Variants in ITGB3BP observed in about 807,000 individuals in gnomAD.
The protein encoded by ITGB3BP is centromere protein R.
Under a neutral mutation model 29.1 loss-of-function variants are expected in ITGB3BP, and 27 were observed. The observed-to-expected ratio is 0.93, with a 90% CI of 0.68 to 1.28. The LOEUF (loss-of-function observed/expected upper bound fraction) is 1.28, where lower values mean the gene tolerates loss of function less well. Ranked by LOEUF, ITGB3BP falls within the 50% of genes most tolerant of loss-of-function variation. The probability of loss-of-function intolerance (pLI) is 0.00; values close to 1 mark genes in which losing one functional copy is unlikely to be tolerated. For missense variants in ITGB3BP, 192 were observed against 200.2 expected (o/e 0.96, Z 0.25); for synonymous variants, 61 against 61.4 (o/e 0.99, Z 0.03).
upstream of ITGB3BP, among the ~76,000 whole-genome samples, chr1:63,525,390 T>C (rs932394882): frequency 5.3e-5 from 8 of 152,214 alleles, no homozygotes; most frequent in African/African-American, 1.9e-4. Context: ...CATATACAAC[T>C]ATAGTATTCG....
intron 3 of ITGB3BP, among the ~76,000 whole-genome samples, chr1:63,487,641 A>C (rs1645556831): frequency 6.6e-6 from 1 of 152,132 alleles, no homozygotes; most frequent in African/African-American, 2.4e-5. Context: ...ACATATTGTA[A>C]GTATTTGTTT....
At chr1:63,473,552 C>A (rs1383887376) in intron 4 of ITGB3BP, among the ~76,000 whole-genome samples, 3 of 134,412 alleles carry the variant, frequency 2.2e-5, no homozygotes, top group Non-Finnish European at 5.0e-5. Flanking sequence ...GGCCAGCTGC[C>A]CCATCTGGGA....
chr1:63,443,661 G>A (rs1179434226), intron 8 of ITGB3BP, among the ~76,000 whole-genome samples: 1 of 152,162 alleles, frequency 6.6e-6, no homozygotes. Context: ...AGACAGGTAG[G>A]TTACAATAGG....
chr1:63,457,950 T>G (rs900461694), intron 4 of ITGB3BP: 4 of 151,430 alleles, frequency 2.6e-5, no homozygotes, highest in Non-Finnish European at 5.9e-5. Context: ...CCAGCAGCAT[T>G]TTTTTAAAGC....
At chr1:63,529,156 A>G (rs1212576616) in exon 2 of ITGB3BP, 6 of 152,186 alleles carry the variant, frequency 3.9e-5, no homozygotes, top group Non-Finnish European at 2.9e-5. Flanking sequence ...CAGCATGGTA[A>G]TCAGGGCTTT....
chr1:63,491,778 C>G (rs146280085), intron 2 of ITGB3BP, among the ~76,000 whole-genome samples: 3 of 151,966 alleles, frequency 2.0e-5, no homozygotes, highest in Non-Finnish European at 2.9e-5. Context: ...GCCACAAATG[C>G]GATGAATATC....
chr1:63,452,284 A>C (rs1194199101), intron 7 of ITGB3BP, among the ~76,000 whole-genome samples: 1 of 152,220 alleles, frequency 6.6e-6, no homozygotes, highest in Non-Finnish European at 1.5e-5. Context: ...AGCTGTTTGC[A>C]AAGGCCAACT....
chr1:63,472,868 C>T (rs1485982224), intron 4 of ITGB3BP, among the ~76,000 whole-genome samples: 2 of 152,072 alleles, frequency 1.3e-5, no homozygotes, highest in African/African-American at 4.8e-5. Flanking sequence ...CCCAAAGTGC[C>T]GAGATTGCAG....
In ITGB3BP at chr1:63,492,347, A is replaced by G. The variant is rs573541499; in HGVS notation, c.49-2129T>C. Among the ~76,000 whole-genome samples the G allele has an allele frequency of 9.2e-5, 14 of 152,118 alleles. No homozygotes were observed. The South Asian group carries it at 2.9e-3, about 32-fold the overall frequency. ...TACACAGAAGGAAAATTGAAAAGCT[A>G]CCCTTTCCCTACTATACCACTAAAT... On this transcript the variant is annotated intron_variant, in intron 2 of 8. Transcript: ENST00000271002.
At chr1:63,511,743 G>A (rs1646203911) in intron 1 of ITGB3BP, among the ~76,000 whole-genome samples, 1 of 151,980 alleles carries the variant, frequency 6.6e-6, no homozygotes, top group Non-Finnish European at 1.5e-5. Flanking sequence ...AGTTCATGGA[G>A]ACAAAAAATA....
At chr1:63,487,415 CAT>C (rs948936554) in intron 3 of ITGB3BP, among the ~76,000 whole-genome samples, 3 of 152,012 alleles carry the variant, frequency 2.0e-5, no homozygotes, top group African/African-American at 4.8e-5. Flanking sequence ...TGATACATAA[CAT>C]ACACACATAC....
chr1:63,480,629 C>T (rs1312670154), intron 3 of ITGB3BP, among the ~76,000 whole-genome samples: 2 of 151,788 alleles, frequency 1.3e-5, no homozygotes, highest in East Asian at 3.9e-4. Context: ...CCTATGTCTT[C>T]CTCAAAAAAA....
At chr1:63,478,673 T>C (rs760546936) in intron 4 of ITGB3BP, 91 bp downstream of exon 4, 7 of 640,504 alleles carry the variant, frequency 1.1e-5, no homozygotes, top group Middle Eastern at 3.1e-4. Context: ...TATTAATTTC[T>C]ACAAATAAAT....
chr1:63,443,987 TAATG>T (rs908678147), intron 8 of ITGB3BP, among the ~76,000 whole-genome samples: 7 of 152,068 alleles, frequency 4.6e-5, no homozygotes, highest in Non-Finnish European at 8.8e-5. Flanking sequence ...ACGAAGGAGA[TAATG>T]AAGGAAATGC....
At chr1:63,488,876 T>C (rs1317470075) in intron 3 of ITGB3BP, among the ~76,000 whole-genome samples, 1 of 152,070 alleles carries the variant, frequency 6.6e-6, no homozygotes, top group Non-Finnish European at 1.5e-5. Flanking sequence ...TCTGTGATAA[T>C]TATCTACTTA....
intron 4 of ITGB3BP, 49 bp downstream of exon 4, chr1:63,478,715 C>A: frequency 1.2e-6 from 1 of 863,724 alleles, no homozygotes; most frequent in East Asian, 2.7e-5. Flanking sequence ...CAAATATGAA[C>A]GTCTTTCTGC....
At chr1:63,488,769 G>A (rs1020191176) in intron 3 of ITGB3BP, among the ~76,000 whole-genome samples, 1 of 152,060 alleles carries the variant, frequency 6.6e-6, no homozygotes, top group Admixed American at 6.6e-5. Context: ...GAGTGAATCA[G>A]TGTAACCACT....
At chr1:63,449,188 AC>A (rs1644829277) in intron 7 of ITGB3BP, 1 of 152,560 alleles carries the variant, frequency 6.6e-6, no homozygotes, top group Non-Finnish European at 1.5e-5. Context: ...CTCACCACAC[AC>A]AAATAATCAA....
intron 4 of ITGB3BP, among the ~76,000 whole-genome samples, chr1:63,462,049 T>C (rs1229721384): frequency 6.6e-6 from 1 of 152,250 alleles, no homozygotes; most frequent in Non-Finnish European, 1.5e-5. Flanking sequence ...ACAGTGAATC[T>C]GTAGATTGCT....
Sources: gnomAD v4.1 joint callset for allele counts (sites outside exome capture counted in the v4.1 genomes callset) on GRCh38, gnomAD v4.1.1 for gene constraint, MANE v1.5 for transcripts, NCBI Gene and HGNC (gene_info 2026-07-23, HGNC 2026-07-21) for gene names.